Variants in PDIA2 observed in about 807,000 individuals in gnomAD.
PDIA2 encodes protein disulfide isomerase family A member 2, also known as protein disulfide-isomerase A2.
PDIA2 carries 76 observed loss-of-function variants against 51.1 expected under a neutral mutation model. That is an observed-to-expected ratio of 1.49 (90% CI 1.24 to 1.80). The LOEUF (loss-of-function observed/expected upper bound fraction) is 1.80, where lower values mean the gene tolerates loss of function less well. Ranked by LOEUF, PDIA2 falls within the 40% of genes most tolerant of loss-of-function variation. The pLI is 0.00. For synonymous variants in PDIA2, 429 were observed against 309.9 expected (o/e 1.38, Z -4.04); for missense variants, 946 against 706.5 (o/e 1.34, Z -3.84).
In PDIA2 at chr16:285,584, C is replaced by CCCACTCT. The variant is rs577798820; in HGVS notation, c.1001_1007dup (p.Arg337HisfsTer8). 425 of 1,613,228 alleles carry CCCACTCT rather than the reference C, an allele frequency of 2.6e-4. 6 individuals carry two copies. In the South Asian group the frequency reaches 4.3e-3, roughly 16 times the overall value. ...CTTTGGACTCAAGGCTGAGGCAGCC[C>CCCACTCT]CCACTCTGCGCTTGGTCAACCTTGA... On this transcript the variant is annotated frameshift_variant, in exon 7 of 11. Transcript: ENST00000219406. LOFTEE classifies it high-confidence loss of function.
intron 1 of PDIA2, among the ~76,000 whole-genome samples, chr16:283,989 C>G (rs59874651): frequency 0.013 from 1,956 of 152,336 alleles, 19 homozygotes; most frequent in East Asian, 0.043. Context: ...CTCAGCCTCC[C>G]GAGTAGCTGG....
In PDIA2 at chr16:285,626, G is replaced by A. The variant is rs1287050015; in HGVS notation, c.1042G>A (p.Ala348Thr). The change falls in exon 7 of 11, where the codon GCG becomes ACG. Residue 348 changes from alanine to threonine, a missense_variant. Ala to Thr is a moderately conservative substitution (Grantham distance 58). Transcript: ENST00000219406. Reference protein sequence around the residue: ...LVNLETTKKYAPVDGGPVTAA... With the variant: ...LVNLETTKKYTPVDGGPVTAA... ...CAACCTTGAAACCACTAAGAAGTAT[G>A]CGCCTGTGGATGGGGGCCCTGTCAC... The A allele has an allele frequency of 6.2e-6, 10 of 1,613,254 alleles. No homozygotes were observed. The highest frequency in any genetic ancestry group is 3.3e-5 in the South Asian group (3 of 91,086).
chr16:283,446 C>G, intron 1 of PDIA2, 78 bp downstream of exon 1: 2 of 1,420,648 alleles, frequency 1.4e-6, no homozygotes, highest in Non-Finnish European at 1.9e-6. Context: ...CCTTTGCCGG[C>G]AAATGCAGGG....
chr16:286,293 C>G (rs2052377634), intron 7 of PDIA2, 60 bp from the exon 8 acceptor site: 1 of 1,426,366 alleles, frequency 7.0e-7, no homozygotes, highest in Non-Finnish European at 9.3e-7. Flanking sequence ...AGGCCCTGCA[C>G]AGGACCTCCT....
In PDIA2 at chr16:284,680, T is replaced by C; in HGVS notation, c.428T>C (p.Ile143Thr). Residue 143 changes from isoleucine to threonine, a missense_variant, in exon 3 of 11, where the codon ATT becomes ACT. Physicochemically the swap from Ile to Thr is moderately conservative, Grantham distance 89. Coordinates refer to ENST00000219406, the MANE Select transcript of PDIA2 (RefSeq NM_006849.4). ...EYTGPRDAEG[I>T]AEWLRRRVGP... ...GCAGGACCACGGGACGCTGAGGGCA[T>C]TGCCGAGTGGCTGCGACGGCGGGTG... The C allele has an allele frequency of 1.3e-6, 2 of 1,590,748 alleles. No individual in the cohort carries two copies. The highest frequency in any genetic ancestry group is 1.7e-6 in the Non-Finnish European group (2 of 1,173,478).
At chr16:286,079 C>G (rs1320320254) in intron 7 of PDIA2, among the ~76,000 whole-genome samples, 3 of 110,238 alleles carry the variant, frequency 2.7e-5, no homozygotes, top group Non-Finnish European at 3.7e-5. Context: ...AGAGGTCCCT[C>G]CCCCCACCAA....
intron 7 of PDIA2, 129 bp downstream of exon 7, chr16:285,832 G>C: frequency 2.9e-6 from 3 of 1,030,498 alleles, no homozygotes; most frequent in East Asian, 5.5e-5. Context: ...CCTCAACCCG[G>C]CAATTCTCCC....
chr16:285,479 G>T, intron 6 of PDIA2, 27 bp from the exon 7 acceptor site: 1 of 1,612,216 alleles, frequency 6.2e-7, no homozygotes, highest in African/African-American at 1.3e-5. Flanking sequence ...GAGAGTGGCC[G>T]GTGCCAGCAT....
At chr16:283,510 G>GGGGC in intron 1 of PDIA2, 142 bp downstream of exon 1, 1 of 915,860 alleles carries the variant, frequency 1.1e-6, no homozygotes, top group Non-Finnish European at 1.6e-6. Flanking sequence ...GTGCCCAGGA[G>GGGGC]CTCTCTAGGA....
Position 284,940 on chromosome 16 carries a change from C to T in PDIA2, c.603C>T (p.Thr201=), listed in dbSNP as rs200037163. The T allele has an allele frequency of 5.4e-5, 87 of 1,613,290 alleles. No individual in the cohort carries two copies. The Middle Eastern group carries it at 1.3e-3, about 24-fold the overall frequency. ...TGGCCCAGGACGCCCTGGACATGAC[C>T]TTTGGCCTCACAGACCGGCCGCGGC... ...LALAQDALDM[T]FGLTDRPRLF... The change falls in exon 4 of 11, where the codon ACC becomes ACT. Residue 201 remains threonine (T), a synonymous_variant. Coordinates refer to ENST00000219406, the MANE Select transcript of PDIA2 (RefSeq NM_006849.4).
At chr16:284,274 C>G in intron 1 of PDIA2, 113 bp from the exon 2 acceptor site, 2 of 1,109,444 alleles carry the variant, frequency 1.8e-6, no homozygotes, top group South Asian at 2.8e-5. Context: ...TGTCCACGGC[C>G]AGGGCTCAGG....
chr16:284,708 GC>G lies in PDIA2; in HGVS notation c.459del (p.Ser154ValfsTer14), dbSNP rs2052330573. ...CCGAGTGGCTGCGACGGCGGGTGGGGCCCAGTGCCATGCGGCTGGAGGACGA... is the reference window on the plus strand; with the variant it reads ...CCGAGTGGCTGCGACGGCGGGTGGGGCCAGTGCCATGCGGCTGGAGGACGA... The part of the protein sequence containing the change: ...IAEWLRRRVG[P>X]SAMRLEDEAA... On this transcript the variant is annotated frameshift_variant, in exon 3 of 11. Transcript: ENST00000219406. LOFTEE classifies it high-confidence loss of function. The G allele has an allele frequency of 6.3e-7, 1 of 1,577,622 alleles. No homozygotes were observed. The highest frequency in any genetic ancestry group is 2.3e-5 in the East Asian group (1 of 44,168).
rs540057615 is a variant in PDIA2 at position 286,395 on chromosome 16, C to T, written c.1162C>T (p.Arg388Trp). Residue 388 changes from arginine to tryptophan, a missense_variant, in exon 8 of 11, where the codon CGG becomes TGG. By Grantham distance (101) the Arg-to-Trp change is moderately radical. Coordinates refer to ENST00000219406, the MANE Select transcript of PDIA2 (RefSeq NM_006849.4). The stretch of plus-strand genomic sequence containing the variant: ...GGAGATACCCCCTGATTGGGATCAG[C>T]GGCCAGTTAAGACCCTCGTGGGCAA... ...SQEIPPDWDQ[R>W]PVKTLVGKNF... The T allele has an allele frequency of 3.1e-5, 50 of 1,611,216 alleles. No homozygotes were observed. Among genetic ancestry groups the T allele is most frequent in the East Asian group, 4.5e-5 (2 of 44,752 alleles).
In PDIA2 at chr16:285,680, G is replaced by T; in HGVS notation, c.1096G>T (p.Ala366Ser). 1.2e-6 allele frequency: 2 copies of T among 1,613,102 alleles called. No individual in the cohort carries two copies. Among genetic ancestry groups the T allele is most frequent in the Non-Finnish European group, 1.7e-6 (2 of 1,179,920 alleles). ...TAASITAFCHAVLNGQVKPYL... is the reference protein window; with the variant it reads ...TAASITAFCHSVLNGQVKPYL... The stretch of plus-strand genomic sequence containing the variant: ...AGCGTCCATCACTGCTTTCTGCCAT[G>T]CAGTCCTCAACGGCCAAGTCAAGGT... The change falls in exon 7 of 11, where the codon GCA becomes TCA. Residue 366 changes from alanine (A) to serine (S), a missense_variant. Physicochemically the swap from Ala to Ser is moderately conservative, Grantham distance 99. Transcript: ENST00000219406.
chr16:286,011 ACCCCGCGGTT>A (rs2052364943), intron 7 of PDIA2, among the ~76,000 whole-genome samples: 1 of 55,974 alleles, frequency 1.8e-5, no homozygotes, highest in Non-Finnish European at 3.4e-5. Flanking sequence ...CCCAACCCCA[ACCCCGCGGTT>A]CTCCAACCCC....
rs1293624877 is a variant in PDIA2, at chr16:284,333, G to GA, written c.200-53dup. 189 of 1,487,394 alleles carry GA rather than the reference G, an allele frequency of 1.3e-4. 1 individual carries two copies. Among genetic ancestry groups the GA allele is most frequent in the Non-Finnish European group, 1.6e-4 (173 of 1,104,858 alleles). 92.1% of individuals were successfully genotyped at this position (1,487,394 alleles called of 1,614,324 possible). A position where few individuals can be genotyped will look rare whatever the true frequency, so the allele number is the denominator to read the frequency against. Reference sequence around the variant, plus strand: ...TCCCTGCTGGGTTGTCAGGTGTGGAGAGGGTGCTCCTGGGGTTGTGGTGGC... The same window carrying GA: ...TCCCTGCTGGGTTGTCAGGTGTGGAGAAGGGTGCTCCTGGGGTTGTGGTGGC... On this transcript the variant is annotated intron_variant, in intron 1 of 10. Transcript: ENST00000219406.
rs2052309390 is a variant in PDIA2, at chr16:283,288, A to G, written c.119A>G (p.Lys40Arg). The change falls in exon 1 of 11, where the codon AAG becomes AGG. Residue 40 changes from lysine to arginine, a missense_variant. Transcript: ENST00000219406. ...SEEPPEEEIP[K>R]EDGILVLSRH... ...GAGCCTCCAGAGGAGGAAATCCCCA[A>G]GGAGGATGGGATCTTGGTGCTGAGC... is the stretch of plus-strand genomic sequence containing the variant. The G allele has an allele frequency of 6.2e-7, 1 of 1,610,262 alleles. No homozygotes were observed. Among genetic ancestry groups the G allele is most frequent in the South Asian group, 1.1e-5 (1 of 90,820 alleles).
intron 1 of PDIA2, 76 bp from the exon 2 acceptor site, chr16:284,311 C>T (rs977317124): frequency 1.4e-6 from 2 of 1,398,070 alleles, no homozygotes; most frequent in East Asian, 5.0e-5. Context: ...CGCTTGTTCC[C>T]TGCTGGGTTG....
Position 283,327 on chromosome 16 carries a change from G to GCCTGGC in PDIA2, c.163_168dup (p.Ala55_Leu56dup), listed in dbSNP as rs753190864. Reference sequence around the variant, plus strand: ...TTGGTGCTGAGCCGCCACACCCTGGGCCTGGCCCTGCGGGAGCACCCTGCC... The same window carrying GCCTGGC: ...TTGGTGCTGAGCCGCCACACCCTGGGCCTGGCCCTGGCCCTGCGGGAGCACCCTGCC... On this transcript the variant is annotated inframe_insertion, in exon 1 of 11. Transcript: ENST00000219406. The GCCTGGC allele has an allele frequency of 4.1e-5, 66 of 1,610,042 alleles. No homozygotes were observed. Among genetic ancestry groups the GCCTGGC allele is most frequent in the Admixed American group, 1.5e-4 (9 of 59,734 alleles).
Sources: allele counts gnomAD v4.1 joint callset (sites outside exome capture counted in the v4.1 genomes callset), GRCh38; gene constraint gnomAD v4.1.1; transcripts MANE v1.5; gene names NCBI Gene and HGNC (gene_info 2026-07-23, HGNC 2026-07-21).